Variants in LMBRD1 observed in about 807,000 individuals in gnomAD.
The protein encoded by LMBRD1 is lysosomal cobalamin transport escort protein LMBD1.
In LMBRD1, 64 loss-of-function variants were observed where a neutral mutation model predicts 74.8. That is an observed-to-expected ratio of 0.86 (90% CI 0.70 to 1.05). The LOEUF (loss-of-function observed/expected upper bound fraction) is 1.05, where lower values mean the gene tolerates loss of function less well. Among genes scored for constraint, LMBRD1 ranks in the 50% least tolerant of loss-of-function variants. LMBRD1 has a pLI of 0.00. For missense variants in LMBRD1, 652 were observed against 645.9 expected (o/e 1.01, Z -0.10); for synonymous variants, 204 against 216.3 (o/e 0.94, Z 0.50).
At chr6:69,786,816 T>C (rs1193325174) in intron 2 of LMBRD1, among the ~76,000 whole-genome samples, 1 of 152,162 alleles carries the variant, frequency 6.6e-6, no homozygotes, top group East Asian at 1.9e-4. Context: ...CAGAAAAGCC[T>C]GGGCACCTTC....
intron 4 of LMBRD1, 138 bp from the exon 5 acceptor site, chr6:69,749,546 TAA>T: frequency 1.4e-6 from 1 of 699,218 alleles, no homozygotes; most frequent in Non-Finnish European, 2.5e-6. Flanking sequence ...AAAACAACCT[TAA>T]AATTTAAAGA....
At chr6:69,687,458 T>C (rs1380231763) in intron 14 of LMBRD1, among the ~76,000 whole-genome samples, 1 of 152,204 alleles carries the variant, frequency 6.6e-6, no homozygotes, top group Non-Finnish European at 1.5e-5. Flanking sequence ...GCACCTAGAA[T>C]AGTACCTAGC....
chr6:69,676,168 T>TAGAC lies in LMBRD1; in HGVS notation c.1609_1612dup (p.Tyr538CysfsTer29). The TAGAC allele has an allele frequency of 1.2e-6, 2 of 1,612,322 alleles. No individual in the cohort carries two copies. The highest frequency in any genetic ancestry group is 2.2e-5 in the South Asian group (2 of 91,038). On this transcript the variant is annotated frameshift_variant, in exon 16 of 16. Coordinates refer to ENST00000649934, the MANE Select transcript of LMBRD1 (RefSeq NM_018368.4). LOFTEE classifies it high-confidence loss of function. ...TAAGACAGAAGGCTGTCAAGCAGAA[T>TAGAC]AGACAGAGGGCTCATCATCACTTAT...
At chr6:69,720,912 G>A in intron 7 of LMBRD1, among the ~76,000 whole-genome samples, 1 of 152,328 alleles carries the variant, frequency 6.6e-6, no homozygotes, top group African/African-American at 2.4e-5. Context: ...CATGGAAAGA[G>A]AATCTTTTCG....
intron 1 of LMBRD1, among the ~76,000 whole-genome samples, chr6:69,795,747 A>G (rs1766211353): frequency 6.6e-6 from 1 of 152,202 alleles, no homozygotes; most frequent in African/African-American, 2.4e-5. Context: ...GGCAGTAACA[A>G]GAGGATCCTT....
chr6:69,780,117 CTTTT>C (rs34490213), intron 3 of LMBRD1, among the ~76,000 whole-genome samples: 1 of 115,256 alleles, frequency 8.7e-6, no homozygotes, highest in Non-Finnish European at 1.8e-5. Flanking sequence ...TGGGAGGGTC[CTTTT>C]TTTTTTTTTT....
At chr6:69,677,306 T>A (rs1164796477) in intron 14 of LMBRD1, among the ~76,000 whole-genome samples, 1 of 152,152 alleles carries the variant, frequency 6.6e-6, no homozygotes, top group Non-Finnish European at 1.5e-5. Flanking sequence ...AGAACTCCTT[T>A]TGGAATGAGG....
At chr6:69,733,135 C>A (rs1766898297) in intron 7 of LMBRD1, among the ~76,000 whole-genome samples, 1 of 151,964 alleles carries the variant, frequency 6.6e-6, no homozygotes, top group Non-Finnish European at 1.5e-5. Flanking sequence ...AAAAATTTCT[C>A]TAGCCTCAAT....
intron 1 of LMBRD1, among the ~76,000 whole-genome samples, chr6:69,795,309 A>G (rs1489202322): frequency 6.6e-6 from 1 of 152,156 alleles, no homozygotes; most frequent in Non-Finnish European, 1.5e-5. Context: ...AAACTCTACC[A>G]CAATTCTCAT....
chr6:69,741,652 G>C, intron 6 of LMBRD1, 137 bp downstream of exon 6: 1 of 557,630 alleles, frequency 1.8e-6, no homozygotes, highest in Non-Finnish European at 3.2e-6. Context: ...GCCTCCCAAA[G>C]TGCTAGGATT....
At chr6:69,736,581 C>T (rs2149868133) in intron 7 of LMBRD1, among the ~76,000 whole-genome samples, 1 of 152,302 alleles carries the variant, frequency 6.6e-6, no homozygotes, top group South Asian at 2.1e-4. Context: ...ATTGACATTA[C>T]ATACTGAATT....
At chr6:69,734,722 T>C (rs1280318896) in intron 7 of LMBRD1, among the ~76,000 whole-genome samples, 2 of 152,206 alleles carry the variant, frequency 1.3e-5, no homozygotes, top group Non-Finnish European at 2.9e-5. Context: ...TACAGACTAA[T>C]TGACGTAAAC....
chr6:69,711,559 G>C (rs1248554734), intron 9 of LMBRD1, among the ~76,000 whole-genome samples: 1 of 152,084 alleles, frequency 6.6e-6, no homozygotes, highest in African/African-American at 2.4e-5. Flanking sequence ...GCTGGAGAGA[G>C]TTTCATCATA....
chr6:69,686,621 T>C (rs1765769571), intron 14 of LMBRD1, among the ~76,000 whole-genome samples: 2 of 127,376 alleles, frequency 1.6e-5, no homozygotes, highest in Admixed American at 1.5e-4. Flanking sequence ...CTTCTCTCTC[T>C]GTCTCTCTCA....
Position 69,796,938 on chromosome 6 carries a change from A to G in LMBRD1, c.-57T>C, listed in dbSNP as rs886061693. 3 of 1,476,384 alleles carry G rather than the reference A, an allele frequency of 2.0e-6. No homozygotes were observed. In the Admixed American group the frequency reaches 5.3e-5, roughly 26 times the overall value. The allele number at this position is 1,476,384 out of a possible 1,614,324, so 91.5% of individuals were successfully genotyped here. On this transcript the variant is annotated 5_prime_UTR_variant, in exon 1 of 16. Transcript: ENST00000649934. ...CCGGGGTGGGGAAAGGGGAGGGGGA[A>G]AGGGGAGAGAGCGCGAGATATACTG...
intron 3 of LMBRD1, among the ~76,000 whole-genome samples, chr6:69,775,217 C>T (rs894589243): frequency 6.6e-6 from 1 of 151,982 alleles, no homozygotes; most frequent in African/African-American, 2.4e-5. Context: ...CAACAAGCTC[C>T]AGAAAACTGA....
chr6:69,703,499 C>A (rs1766180173), intron 9 of LMBRD1, among the ~76,000 whole-genome samples: 1 of 151,030 alleles, frequency 6.6e-6, no homozygotes, highest in South Asian at 2.1e-4. Context: ...ACCCTCTTAG[C>A]TATCTTCCAA....
At chr6:69,775,033 G>GGGAAGGAA (rs1562121924) in intron 3 of LMBRD1, among the ~76,000 whole-genome samples, 1 of 81,210 alleles carries the variant, frequency 1.2e-5, no homozygotes, top group Non-Finnish European at 2.3e-5. Context: ...GAGGGAGGGA[G>GGGAAGGAA]GGAAGGAAGG....
chr6:69,774,990 G>GAA (rs879734097), intron 3 of LMBRD1, among the ~76,000 whole-genome samples: 15,251 of 42,160 alleles, frequency 0.36, 3,339 homozygotes, highest in East Asian at 0.59. Flanking sequence ...AGGAAGGAAG[G>GAA]GAGGGAGGGA....
Sources: gnomAD v4.1 joint callset for allele counts (sites outside exome capture counted in the v4.1 genomes callset) on GRCh38, gnomAD v4.1.1 for gene constraint, MANE v1.5 for transcripts, NCBI Gene and HGNC (gene_info 2026-07-23, HGNC 2026-07-21) for gene names.